The following ZFAT variants were observed in gnomAD, a reference collection of about 807,000 sequenced individuals.
ZFAT encodes the protein zinc finger and AT-hook domain containing, also known as zinc finger protein ZFAT.
A neutral mutation model predicts 117.7 loss-of-function variants in ZFAT; 64 were observed. The ratio of observed to expected loss-of-function variants is 0.54; its 90% CI spans 0.44 to 0.67. ZFAT has a LOEUF of 0.67. Ranked by LOEUF, ZFAT falls within the 30% of genes least tolerant of loss-of-function variation. The pLI, the probability that ZFAT is intolerant of heterozygous loss-of-function variation, is 0.00. For synonymous variants in ZFAT, 679 were observed against 615.0 expected (o/e 1.10, Z -1.54); for missense variants, 1,433 against 1,584.5 (o/e 0.90, Z 1.62).
chr8:134,544,543 AC>A (rs1367584153), intron 11 of ZFAT, among the ~76,000 whole-genome samples: 4 of 152,132 alleles, frequency 2.6e-5, no homozygotes, highest in Non-Finnish European at 4.4e-5. Flanking sequence ...CTAACATATA[AC>A]CAAAAATGAC....
chr8:134,789,080 T>A, the ZFAT span, among the ~76,000 whole-genome samples: 1 of 152,220 alleles, frequency 6.6e-6, no homozygotes, highest in African/African-American at 2.4e-5. Flanking sequence ...ACTTTAAATT[T>A]GACCCATTTG....
At chr8:134,787,355 G>A in the ZFAT span, among the ~76,000 whole-genome samples, 1 of 152,088 alleles carries the variant, frequency 6.6e-6, no homozygotes, top group Non-Finnish European at 1.5e-5. Flanking sequence ...CTATATATAT[G>A]GTATCAAGGA....
At chr8:134,565,606 G>C (rs930352735) in intron 10 of ZFAT, 185 bp from the exon 11 acceptor site, 4 of 705,338 alleles carry the variant, frequency 5.7e-6, no homozygotes, top group Non-Finnish European at 2.5e-6. Flanking sequence ...ACAGGTGGGA[G>C]TGGAGAGGCA....
the ZFAT span, chr8:134,797,998 A>G: frequency 2.0e-5 from 3 of 149,646 alleles, no homozygotes; most frequent in Non-Finnish European, 4.5e-5. Flanking sequence ...TAAAAAAAAA[A>G]CACATTAAAA....
At chr8:134,644,631 T>C (rs931251598) in intron 2 of ZFAT, among the ~76,000 whole-genome samples, 1 of 150,928 alleles carries the variant, frequency 6.6e-6, no homozygotes, top group Non-Finnish European at 1.5e-5. Context: ...AAATGTACCG[T>C]ATACACAATC....
At chr8:134,828,145 T>C in the ZFAT span, among the ~76,000 whole-genome samples, 1 of 152,178 alleles carries the variant, frequency 6.6e-6, no homozygotes, top group Non-Finnish European at 1.5e-5. Context: ...TCCCTTGGGA[T>C]TTTTTAAAAA....
intron 2 of ZFAT, among the ~76,000 whole-genome samples, chr8:134,642,216 T>C (rs1830625286): frequency 6.6e-6 from 1 of 152,154 alleles, no homozygotes; most frequent in Non-Finnish European, 1.5e-5. Context: ...CAGTCAAAAA[T>C]GTATCTGCAG....
At chr8:134,520,441 A>AG (rs1206340675) in intron 13 of ZFAT, among the ~76,000 whole-genome samples, 2 of 152,114 alleles carry the variant, frequency 1.3e-5, no homozygotes, top group African/African-American at 4.8e-5. Flanking sequence ...CCAACTCCTA[A>AG]GGGAAAAAAA....
chr8:134,732,618 A>T, the ZFAT span, among the ~76,000 whole-genome samples: 1 of 152,214 alleles, frequency 6.6e-6, no homozygotes, highest in South Asian at 2.1e-4. Context: ...TCTACTTTTG[A>T]ATGTCTTGTG....
At chr8:134,584,233 T>C (rs983258302) in intron 9 of ZFAT, among the ~76,000 whole-genome samples, 1 of 152,222 alleles carries the variant, frequency 6.6e-6, no homozygotes, top group Non-Finnish European at 1.5e-5. Context: ...CCTTGCCTCC[T>C]GGTATACCAG....
At chr8:134,581,332 A>T (rs548332631) in intron 10 of ZFAT, among the ~76,000 whole-genome samples, 1 of 152,204 alleles carries the variant, frequency 6.6e-6, no homozygotes, top group African/African-American at 2.4e-5. Context: ...CCTGTGGGAA[A>T]GCAATCATCT....
At chr8:134,497,480 C>T (rs1237159966) in intron 15 of ZFAT, among the ~76,000 whole-genome samples, 2 of 133,646 alleles carry the variant, frequency 1.5e-5, no homozygotes, top group African/African-American at 5.8e-5. Flanking sequence ...CACACAGAGC[C>T]TGATTTGGTA....
chr8:134,729,476 C>G, the ZFAT span, among the ~76,000 whole-genome samples: 1 of 152,164 alleles, frequency 6.6e-6, no homozygotes. Context: ...GGACTACAGG[C>G]GCCTGCCACC....
chr8:134,543,856 T>C (rs933531091), intron 11 of ZFAT, among the ~76,000 whole-genome samples: 1 of 152,286 alleles, frequency 6.6e-6, no homozygotes, highest in East Asian at 1.9e-4. Flanking sequence ...TGACACTGTA[T>C]AAATACCCAC....
At chr8:134,549,237 C>A (rs1369548977) in intron 11 of ZFAT, among the ~76,000 whole-genome samples, 1 of 151,976 alleles carries the variant, frequency 6.6e-6, no homozygotes, top group Non-Finnish European at 1.5e-5. Context: ...GTCAAGAGAT[C>A]GAGACCATCC....
chr8:134,490,522 C>A (rs190843404), intron 15 of ZFAT, among the ~76,000 whole-genome samples: 2 of 152,334 alleles, frequency 1.3e-5, no homozygotes, highest in Admixed American at 1.3e-4. Flanking sequence ...GATGCCTGTG[C>A]CTTCAAATAC....
rs929726663 is a variant in ZFAT, at chr8:134,637,770, C to T, written c.197-58G>A. On this transcript the variant is annotated intron_variant, in intron 2 of 15. Coordinates refer to ENST00000377838, the MANE Select transcript of ZFAT (RefSeq NM_020863.4). ...ACGTGAGACGGCAGTGCAGGGTTCA[C>T]AATCACCCTCCAAGTGTGAGGATAT... 3.8e-6 allele frequency: 6 copies of T among 1,573,036 alleles called. No individual in the cohort carries two copies. The African/African-American group carries it at 6.8e-5, about 18-fold the overall frequency.
chr8:134,533,090 C>T, intron 11 of ZFAT, 118 bp from the exon 12 acceptor site: 2 of 1,422,768 alleles, frequency 1.4e-6, no homozygotes, highest in African/African-American at 1.4e-5. Context: ...GGCCCCATCA[C>T]CTGTGATATG....
rs751089577 is a variant in ZFAT, at chr8:134,601,996, A to G, written c.1723T>C (p.Cys575Arg). The G allele has an allele frequency of 3.1e-6, 5 of 1,613,380 alleles. No homozygotes were observed. Among genetic ancestry groups the G allele is most frequent in the Non-Finnish European group, 4.2e-6 (5 of 1,179,870 alleles). ...GAGACCACGGTGGTTTCCAGCTCAC[A>G]GGGTGGCAGGGCTGTGCTTTCGGCC... ...PQAESTALPP[C>R]ELETTVVSSS... Residue 575 changes from cysteine (C) to arginine (R), a missense_variant, in exon 6 of 16, where the codon TGT becomes CGT. Coordinates refer to ENST00000377838, the MANE Select transcript of ZFAT (RefSeq NM_020863.4).
Sources: gnomAD v4.1 joint callset for allele counts (sites outside exome capture counted in the v4.1 genomes callset) on GRCh38, gnomAD v4.1.1 for gene constraint, MANE v1.5 for transcripts, NCBI Gene and HGNC (gene_info 2026-07-23, HGNC 2026-07-21) for gene names.